The following RAD54L2 variants were observed in gnomAD, a reference collection of about 807,000 sequenced individuals.
The protein encoded by RAD54L2 is helicase ARIP4.
A neutral mutation model predicts 138.4 loss-of-function variants in RAD54L2; 27 were observed. The observed-to-expected ratio is 0.20, with a 90% CI of 0.14 to 0.27. RAD54L2 has a LOEUF of 0.27. Ranked by LOEUF, RAD54L2 falls within the 10% of genes least tolerant of loss-of-function variation. The probability of loss-of-function intolerance (pLI) is 1.00; values close to 1 mark genes in which losing one functional copy is unlikely to be tolerated. For synonymous variants in RAD54L2, 644 were observed against 723.2 expected, an observed-to-expected ratio of 0.89 and a Z score of 1.76; for missense variants, 1,396 against 1,890.2, an observed-to-expected ratio of 0.74 and a Z score of 4.85.
chr3:51,603,243 G>T (rs1418617081), intron 3 of RAD54L2, among the ~76,000 whole-genome samples: 1 of 152,060 alleles, frequency 6.6e-6, no homozygotes, highest in Non-Finnish European at 1.5e-5. Flanking sequence ...AGGAGGTTGA[G>T]GCTGTAGTGA....
intron 19 of RAD54L2, among the ~76,000 whole-genome samples, chr3:51,650,100 G>A (rs1293759006): frequency 6.6e-6 from 1 of 152,052 alleles, no homozygotes; most frequent in East Asian, 1.9e-4. Context: ...GACCTGCCAA[G>A]CAAATGGAAA....
intron 2 of RAD54L2, among the ~76,000 whole-genome samples, chr3:51,585,066 C>T (rs558844692): frequency 2.0e-5 from 3 of 152,146 alleles, no homozygotes; most frequent in African/African-American, 7.2e-5. Context: ...CTGCCTCAGT[C>T]TCCCAAAGTG....
At chr3:51,577,913 C>T (rs1265580298) in intron 2 of RAD54L2, among the ~76,000 whole-genome samples, 1 of 152,092 alleles carries the variant, frequency 6.6e-6, no homozygotes, top group Non-Finnish European at 1.5e-5. Flanking sequence ...CCCCCAGTTA[C>T]TTATTTATTT....
At chr3:51,660,198 G>A in intron 22 of RAD54L2, 80 bp downstream of exon 22, 1 of 1,072,234 alleles carries the variant, frequency 9.3e-7, no homozygotes, top group Non-Finnish European at 1.4e-6. Flanking sequence ...AACTTATTAT[G>A]TGAATAGATA....
chr3:51,608,318 GA>G (rs878957451), intron 3 of RAD54L2, among the ~76,000 whole-genome samples: 1 of 152,036 alleles, frequency 6.6e-6, no homozygotes, highest in Non-Finnish European at 1.5e-5. Context: ...TGACGGCCGG[GA>G]AGAGGCAATC....
intron 19 of RAD54L2, among the ~76,000 whole-genome samples, chr3:51,648,942 G>A (rs1246604319): frequency 5.9e-5 from 9 of 152,142 alleles, no homozygotes; most frequent in Non-Finnish European, 1.0e-4. Flanking sequence ...AAAGCTGGAC[G>A]GAGAATGACT....
chr3:51,560,731 C>T (rs1324327273), intron 2 of RAD54L2, among the ~76,000 whole-genome samples: 1 of 152,098 alleles, frequency 6.6e-6, no homozygotes, highest in Non-Finnish European at 1.5e-5. Context: ...CCTTTTATTC[C>T]GCCTTCCACA....
intron 2 of RAD54L2, among the ~76,000 whole-genome samples, chr3:51,566,459 T>G (rs1699218787): frequency 6.7e-6 from 1 of 149,584 alleles, no homozygotes; most frequent in South Asian, 2.1e-4. Flanking sequence ...ATCACAGCCT[T>G]TTCTGCGTTT....
At chr3:51,620,807 C>T (rs1700554912) in intron 3 of RAD54L2, among the ~76,000 whole-genome samples, 1 of 152,290 alleles carries the variant, frequency 6.6e-6, no homozygotes, top group South Asian at 2.1e-4. Flanking sequence ...TAGTAATAGT[C>T]ATTGACTTTT....
intron 3 of RAD54L2, among the ~76,000 whole-genome samples, chr3:51,599,555 C>G (rs778894043): frequency 6.6e-6 from 1 of 151,740 alleles, no homozygotes; most frequent in Non-Finnish European, 1.5e-5. Context: ...CTTTTCTTTT[C>G]TTTTCTTTTT....
At chr3:51,616,127 A>G (rs1008851343) in intron 3 of RAD54L2, among the ~76,000 whole-genome samples, 3 of 152,186 alleles carry the variant, frequency 2.0e-5, no homozygotes, top group African/African-American at 7.2e-5. Context: ...TCTTTATGCT[A>G]GAAACATTTA....
chr3:51,653,561 G>A (rs1197697547), intron 19 of RAD54L2, among the ~76,000 whole-genome samples: 1 of 152,220 alleles, frequency 6.6e-6, no homozygotes, highest in Non-Finnish European at 1.5e-5. Flanking sequence ...ACTGAATTAA[G>A]AAAATGTGGC....
In RAD54L2 at chr3:51,662,541, C is replaced by A. The variant is rs1701806254; in HGVS notation, c.3525C>A (p.Ile1175=). ...ARPVSPDSPE[I]ISELQQYADV... is the part of the protein sequence containing the mutation. Reference sequence around the variant, plus strand: ...CCGTCTCTCCTGACAGCCCAGAGATCATCAGTGAGCTTCAGCAGTATGCAG... The same window carrying A: ...CCGTCTCTCCTGACAGCCCAGAGATAATCAGTGAGCTTCAGCAGTATGCAG... Residue 1175 remains isoleucine (I), a synonymous_variant, in exon 23 of 23, where the codon ATC becomes ATA. Transcript: ENST00000684192. The surrounding 1 kb of genome is among the most constrained non-coding windows in gnomAD (Gnocchi z 4.6). 1 of 1,613,722 alleles carries A rather than the reference C, an allele frequency of 6.2e-7. No homozygotes were observed. The highest frequency in any genetic ancestry group is 1.1e-5 in the South Asian group (1 of 91,026).
intron 2 of RAD54L2, among the ~76,000 whole-genome samples, chr3:51,561,603 C>T (rs1440962296): frequency 6.6e-6 from 1 of 151,820 alleles, no homozygotes; most frequent in Non-Finnish European, 1.5e-5. Context: ...ACTCTTTTGC[C>T]CACCCTGGAG....
intron 2 of RAD54L2, among the ~76,000 whole-genome samples, chr3:51,583,801 T>C (rs1375895815): frequency 6.6e-6 from 1 of 152,012 alleles, no homozygotes; most frequent in Non-Finnish European, 1.5e-5. Flanking sequence ...TTTTTTGTAC[T>C]TTATTAACAT....
At chr3:51,649,138 C>T (rs753292223) in intron 19 of RAD54L2, among the ~76,000 whole-genome samples, 1 of 151,872 alleles carries the variant, frequency 6.6e-6, no homozygotes. Flanking sequence ...AACCATGGCA[C>T]GAGAACTACA....
Position 51,630,307 on chromosome 3 carries a change from C to G in RAD54L2, c.517C>G (p.Leu173Val). 6.2e-7 allele frequency: 1 copy of G among 1,614,064 alleles called. No individual in the cohort carries two copies. Among genetic ancestry groups the G allele is most frequent in the Non-Finnish European group, 8.5e-7 (1 of 1,179,892 alleles). Residue 173 changes from leucine (L) to valine (V), a missense_variant, in exon 6 of 23, where the codon CTG (leucine) becomes GTG (valine). Around this residue, in one of 7 missense-constraint regions of RAD54L2, gnomAD observed 256 missense variants for 344.6 expected, o/e 0.74. Coordinates refer to ENST00000684192, the MANE Select transcript of RAD54L2 (RefSeq NM_015106.4). ...IALRASDGPQLPPRVLAQEVI... is the reference protein window; with the variant it reads ...IALRASDGPQVPPRVLAQEVI... Reference sequence around the variant, plus strand: ...TTTAAGGGCAAGTGACGGTCCCCAACTGCCTCCTCGGGTCTTGGCCCAGGA... The same window carrying G: ...TTTAAGGGCAAGTGACGGTCCCCAAGTGCCTCCTCGGGTCTTGGCCCAGGA...
chr3:51,593,175 C>T (rs1699875595), intron 3 of RAD54L2, among the ~76,000 whole-genome samples: 1 of 151,962 alleles, frequency 6.6e-6, no homozygotes, highest in Admixed American at 6.6e-5. Flanking sequence ...GGGGATGCTA[C>T]TGTCATCTTG....
In RAD54L2 at chr3:51,655,956, G is replaced by T. The variant is rs763099406; in HGVS notation, c.3027-15G>T. On this transcript the variant is annotated splice_polypyrimidine_tract_variant and intron_variant, in intron 19 of 22. Transcript: ENST00000684192. ...TCTGCCAAACTCTTTTAGTGTCCTT[G>T]TCTTTCTCTTACAGGCAGCCAACTT... is the stretch of plus-strand genomic sequence containing the variant. The T allele has an allele frequency of 6.9e-6, 11 of 1,590,348 alleles. No individual in the cohort carries two copies. In the South Asian group the frequency reaches 7.8e-5, roughly 11 times the overall value.
Sources: allele counts gnomAD v4.1 joint callset (sites outside exome capture counted in the v4.1 genomes callset), GRCh38; gene constraint gnomAD v4.1.1; regional missense constraint gnomAD v4.1.1; non-coding constraint Gnocchi (gnomAD v3.1); transcripts MANE v1.5; gene names NCBI Gene and HGNC (gene_info 2026-07-23, HGNC 2026-07-21).